Variants in BLVRA observed in about 807,000 individuals in gnomAD.
BLVRA encodes the protein biliverdin reductase A.
BLVRA carries 22 observed loss-of-function variants against 32.8 expected under a neutral mutation model. The ratio of observed to expected loss-of-function variants is 0.67; its 90% CI spans 0.48 to 0.96. The LOEUF is 0.96. Ranked by LOEUF, BLVRA falls within the 40% of genes least tolerant of loss-of-function variation. The pLI is 0.00. For missense variants in BLVRA, 323 were observed against 358.1 expected (o/e 0.90, Z 0.79); for synonymous variants, 119 against 141.3 (o/e 0.84, Z 1.12).
At chr7:43,772,734 C>T (rs945019292) in intron 2 of BLVRA, among the ~76,000 whole-genome samples, 2 of 152,162 alleles carry the variant, frequency 1.3e-5, no homozygotes, top group African/African-American at 4.8e-5. Flanking sequence ...AAGTGCTGAG[C>T]GAAGGGGGAA....
intron 1 of BLVRA, chr7:43,759,926 CTAAT>C (rs1294542578): frequency 1.3e-5 from 2 of 151,162 alleles, no homozygotes; most frequent in Non-Finnish European, 2.9e-5. Flanking sequence ...AATAGGGTCT[CTAAT>C]TATACTTCAA....
At chr7:43,805,710 A>AT (rs1013350635) in intron 7 of BLVRA, among the ~76,000 whole-genome samples, 38 of 152,108 alleles carry the variant, frequency 2.5e-4, no homozygotes, top group African/African-American at 9.2e-4. Context: ...GCATTTTTAA[A>AT]TTTTTTTATC....
In BLVRA at chr7:43,791,191, A is replaced by T. The variant is rs190623598; in HGVS notation, c.135-58A>T. On this transcript the variant is annotated intron_variant, in intron 3 of 7. Transcript: ENST00000265523. ...GACCTGTCGGGAGGAGGGGAGAAGGATGGTGCTCCTTTCTTCTGTCTACCA... is the reference window on the plus strand; with the variant it reads ...GACCTGTCGGGAGGAGGGGAGAAGGTTGGTGCTCCTTTCTTCTGTCTACCA... 27 of 1,609,580 alleles carry T rather than the reference A, an allele frequency of 1.7e-5. No homozygotes were observed. The African/African-American group carries it at 3.3e-4, about 20-fold the overall frequency.
intron 6 of BLVRA, among the ~76,000 whole-genome samples, chr7:43,802,899 G>A (rs190205999): frequency 4.1e-4 from 55 of 132,928 alleles, no homozygotes; most frequent in Non-Finnish European, 7.0e-4. Context: ...CACTATGCCC[G>A]GGTAATTTTT....
rs929950737 is a variant in BLVRA at position 43,768,895 on chromosome 7, C to T, written c.-21-2243C>T. On this transcript the variant is annotated intron_variant, in intron 1 of 7. Coordinates refer to ENST00000265523, the MANE Select transcript of BLVRA (RefSeq NM_000712.4). ...GCGCTCCCACCCCACCCACCACCTG[C>T]GGGTCAGCTCTCAGTGTCTTAGTTA... Among the ~76,000 whole-genome samples, 7 of 151,480 alleles carry T rather than the reference C, an allele frequency of 4.6e-5. No individual in the cohort carries two copies. In the South Asian group the frequency reaches 6.3e-4, roughly 14 times the overall value.
chr7:43,767,388 C>T, intron 1 of BLVRA: 1 of 1,601,306 alleles, frequency 6.2e-7, no homozygotes, highest in East Asian at 2.2e-5. Flanking sequence ...TCCTGTTCTT[C>T]ACAGCTTTAA....
At chr7:43,767,427 AT>A (rs2095749442) in intron 1 of BLVRA, 1 of 1,577,232 alleles carries the variant, frequency 6.3e-7, no homozygotes, top group East Asian at 2.2e-5. Flanking sequence ...GGTTATTTAT[AT>A]TTCACAACTA....
At chr7:43,765,733 A>G (rs2095747115) in intron 1 of BLVRA, among the ~76,000 whole-genome samples, 1 of 152,256 alleles carries the variant, frequency 6.6e-6, no homozygotes, top group African/African-American at 2.4e-5. Flanking sequence ...ATTACCAGGT[A>G]TTGAAACACT....
intron 5 of BLVRA, 86 bp downstream of exon 5, chr7:43,792,898 TCTC>T: frequency 1.5e-6 from 2 of 1,298,114 alleles, no homozygotes; most frequent in Non-Finnish European, 2.2e-6. Context: ...ATTTCAGATA[TCTC>T]CTCCTCCTGG....
chr7:43,768,455 C>T (rs1204262791), intron 1 of BLVRA, among the ~76,000 whole-genome samples: 1 of 152,128 alleles, frequency 6.6e-6, no homozygotes. Flanking sequence ...CAGGGCAGTG[C>T]CGCAGTGCCT....
chr7:43,806,705 A>ACTCCAGCCTGGGTGCACTCCAGCCTGGG (rs548335771), intron 7 of BLVRA, among the ~76,000 whole-genome samples: 311 of 152,286 alleles, frequency 2.0e-3, no homozygotes, highest in African/African-American at 6.7e-3. Context: ...TCGAGATTGC[A>ACTCCAGCCTGGGTGCACTCCAGCCTGGG]CCACTGCACT....
intron 1 of BLVRA, among the ~76,000 whole-genome samples, chr7:43,767,822 G>A (rs1160250429): frequency 4.7e-5 from 7 of 149,138 alleles, no homozygotes; most frequent in Non-Finnish European, 1.0e-4. Flanking sequence ...AGTTAAATTA[G>A]TTACAAATAG....
intron 2 of BLVRA, among the ~76,000 whole-genome samples, chr7:43,773,312 C>A (rs146000661): frequency 6.6e-6 from 1 of 151,848 alleles, no homozygotes; most frequent in Non-Finnish European, 1.5e-5. Context: ...CAACAGTCCC[C>A]GGAGTTCGAT....
chr7:43,800,868 G>A (rs186880786), intron 6 of BLVRA, among the ~76,000 whole-genome samples: 2 of 152,154 alleles, frequency 1.3e-5, no homozygotes, highest in African/African-American at 4.8e-5. Flanking sequence ...TTGGAGAGGA[G>A]AACATTTTTA....
chr7:43,766,469 C>G (rs1432215622), intron 1 of BLVRA, among the ~76,000 whole-genome samples: 14 of 151,960 alleles, frequency 9.2e-5, no homozygotes, highest in Non-Finnish European at 1.6e-4. Flanking sequence ...GAAAACTAAA[C>G]AAACCAAAAC....
intron 7 of BLVRA, among the ~76,000 whole-genome samples, chr7:43,804,186 AATC>A (rs1563553557): frequency 2.0e-5 from 3 of 152,248 alleles, no homozygotes; most frequent in Non-Finnish European, 4.4e-5. Flanking sequence ...TCAGGCCTAT[AATC>A]CCAGCACTTG....
intron 2 of BLVRA, among the ~76,000 whole-genome samples, chr7:43,773,758 G>A (rs1308301670): frequency 2.0e-5 from 3 of 152,218 alleles, no homozygotes; most frequent in Admixed American, 1.3e-4. Flanking sequence ...CACACCAACA[G>A]TGTAAAAGTG....
At chr7:43,771,820 C>A (rs575561176) in intron 2 of BLVRA, among the ~76,000 whole-genome samples, 1 of 152,194 alleles carries the variant, frequency 6.6e-6, no homozygotes, top group South Asian at 2.1e-4. Context: ...CAGCACCACC[C>A]GCCAGGCCCC....
intron 2 of BLVRA, among the ~76,000 whole-genome samples, chr7:43,773,313 G>A (rs773276645): frequency 1.8e-4 from 26 of 143,372 alleles, no homozygotes; most frequent in Admixed American, 9.1e-4. Flanking sequence ...AACAGTCCCC[G>A]GAGTTCGATG....
Sources: allele counts gnomAD v4.1 joint callset (sites outside exome capture counted in the v4.1 genomes callset), GRCh38; gene constraint gnomAD v4.1.1; transcripts MANE v1.5; gene names NCBI Gene and HGNC (gene_info 2026-07-23, HGNC 2026-07-21).